The following PLXNB2 variants were observed in gnomAD, a reference collection of about 807,000 sequenced individuals.
PLXNB2 encodes the protein plexin-B2.
Under a neutral mutation model 202.6 loss-of-function variants are expected in PLXNB2, and 85 were observed. That is an observed-to-expected ratio of 0.42 (90% CI 0.35 to 0.50). The LOEUF is 0.50. Ranked by LOEUF, PLXNB2 falls within the 20% of genes least tolerant of loss-of-function variation. PLXNB2 has a pLI of 0.02. For synonymous variants in PLXNB2, 1,239 were observed against 1,137.6 expected (o/e 1.09, Z -1.79); for missense variants, 2,063 against 2,586.2 (o/e 0.80, Z 4.39).
In PLXNB2 at chr22:50,291,307, G is replaced by A. The variant is rs778304548; in HGVS notation, c.-13-710C>T. 1.3e-5 allele frequency among the ~76,000 whole-genome samples: 2 copies of A among 152,198 alleles called. No individual in the cohort carries two copies. Among genetic ancestry groups the A allele is most frequent in the Non-Finnish European group, 2.9e-5 (2 of 68,024 alleles). On this transcript the variant is annotated intron_variant, in intron 2 of 36. Transcript: ENST00000359337. The surrounding 1 kb of genome is among the most constrained non-coding windows in gnomAD (Gnocchi z 4.3). ...AGCCTCTGATGTGCGCACAGCGGAG[G>A]CAACAAGGGGACCTGGGGAGCCATG...
chr22:50,290,811 C>G (rs1306476982), intron 2 of PLXNB2, among the ~76,000 whole-genome samples: 2 of 152,216 alleles, frequency 1.3e-5, no homozygotes, highest in Admixed American at 6.5e-5. Context: ...CAAGTCCACC[C>G]TGACTGACCA....
Position 50,288,075 on chromosome 22 carries a change from G to C in PLXNB2, c.1381-38C>G. On this transcript the variant is annotated intron_variant, in intron 5 of 36. Transcript: ENST00000359337. The surrounding 1 kb of genome is among the most constrained non-coding windows in gnomAD (Gnocchi z 5.0). Reference sequence around the variant, plus strand: ...GGCCGTGAGTGGGACCACAGCAGAGGCCGCACGGGCCTTCCGCAGACCCCA... The same window carrying C: ...GGCCGTGAGTGGGACCACAGCAGAGCCCGCACGGGCCTTCCGCAGACCCCA... The C allele has an allele frequency of 6.8e-7, 1 of 1,466,504 alleles. No homozygotes were observed. The highest frequency in any genetic ancestry group is 9.3e-7 in the Non-Finnish European group (1 of 1,073,616). 90.8% of individuals were successfully genotyped at this position (1,466,504 alleles called of 1,614,324 possible).
At position 50,289,467 on chromosome 22, in the gene PLXNB2, G is replaced by A. The variant is rs757695421; in HGVS notation, c.1068+50C>T. The A allele has an allele frequency of 3.3e-6, 5 of 1,521,226 alleles. No homozygotes were observed. In the East Asian group the frequency reaches 9.8e-5, roughly 30 times the overall value. The allele number at this position is 1,521,226 out of a possible 1,614,324, so 94.2% of individuals were successfully genotyped here. ...AGCAGGCTGGGACACGCAAACCCACGAACGGACGCCTGCAGTCCGGGCCCT... is the reference window on the plus strand; with the variant it reads ...AGCAGGCTGGGACACGCAAACCCACAAACGGACGCCTGCAGTCCGGGCCCT... On this transcript the variant is annotated intron_variant, in intron 3 of 36. Coordinates refer to ENST00000359337, the MANE Select transcript of PLXNB2 (RefSeq NM_012401.4). This position sits in a 1 kb window ranked among gnomAD's most constrained non-coding sequence, Gnocchi z 8.0.
chr22:50,278,294 G>T (rs1234672757), intron 30 of PLXNB2, 23 bp from the exon 31 acceptor site: 1 of 1,609,802 alleles, frequency 6.2e-7, no homozygotes, highest in East Asian at 2.2e-5. Context: ...GGCACTGAGG[G>T]ACCCCTACCC....
rs866362520 is a variant in PLXNB2 at position 50,284,757 on chromosome 22, G to T, written c.2089-92C>A. ...CTGCAGCCCCTCCTCTGTGCCTACAGTGTGGGAGCCCTCTCCTCACCCCAC... is the reference window on the plus strand; with the variant it reads ...CTGCAGCCCCTCCTCTGTGCCTACATTGTGGGAGCCCTCTCCTCACCCCAC... On this transcript the variant is annotated intron_variant, in intron 11 of 36. Coordinates refer to ENST00000359337, the MANE Select transcript of PLXNB2 (RefSeq NM_012401.4). This position sits in a 1 kb window ranked among gnomAD's most constrained non-coding sequence, Gnocchi z 8.0. 1.0e-5 allele frequency: 10 copies of T among 960,282 alleles called. No homozygotes were observed. The highest frequency in any genetic ancestry group is 4.2e-4 in the Middle Eastern group (2 of 4,754). The allele number at this position is 960,282 out of a possible 1,614,324, so 59.5% of individuals were successfully genotyped here. A position where few individuals can be genotyped will look rare whatever the true frequency, so the allele number is the denominator to read the frequency against.
rs147004594 is a variant in PLXNB2, at chr22:50,294,540, C to T, written c.-14+179G>A. 8.5e-5 allele frequency among the ~76,000 whole-genome samples: 13 copies of T among 152,302 alleles called. No homozygotes were observed. The East Asian group carries it at 2.3e-3, about 27-fold the overall frequency. On this transcript the variant is annotated intron_variant, in intron 2 of 36. Transcript: ENST00000359337. Reference sequence around the variant, plus strand: ...GGGAGCCTCACAGCGGCTCCATGGGCAGGGAAGCTCCCCACTTCCATCCAG... The same window carrying T: ...GGGAGCCTCACAGCGGCTCCATGGGTAGGGAAGCTCCCCACTTCCATCCAG...
At chr22:50,281,044 C>T (rs758108964) in intron 23 of PLXNB2, 45 bp downstream of exon 23, 31 of 1,602,546 alleles carry the variant, frequency 1.9e-5, no homozygotes, top group Non-Finnish European at 2.4e-5. Flanking sequence ...CACAGCATCC[C>T]CGCCCCAGGA....
At position 50,280,651 on chromosome 22, in the gene PLXNB2, T is replaced by C; in HGVS notation, c.4013A>G (p.Asn1338Ser). The change falls in exon 25 of 37, where the codon AAC becomes AGC. Residue 1338 changes from asparagine (N) to serine (S), a missense_variant. Asn to Ser is a conservative substitution (Grantham distance 46). Coordinates refer to ENST00000359337, the MANE Select transcript of PLXNB2 (RefSeq NM_012401.4). ...FLINFIHTLENQREFSARAKV... is the reference protein window; with the variant it reads ...FLINFIHTLESQREFSARAKV... ...GGCGCGGGCCGAGAACTCCCGCTGG[T>C]TCTCCAGGGTGTGGATGAACTGTAG... The C allele has an allele frequency of 1.2e-6, 2 of 1,612,354 alleles. No homozygotes were observed. The highest frequency in any genetic ancestry group is 1.7e-6 in the Non-Finnish European group (2 of 1,179,756).
chr22:50,292,267 G>A (rs1237378447), intron 2 of PLXNB2, among the ~76,000 whole-genome samples: 1 of 150,730 alleles, frequency 6.6e-6, no homozygotes, highest in Non-Finnish European at 1.5e-5. Flanking sequence ...GAACCTGGGA[G>A]GCGGAGGTTG....
In PLXNB2 at chr22:50,277,735, T is replaced by C. The variant is rs760911851; in HGVS notation, c.5052A>G (p.Leu1684=). Residue 1684 remains leucine (L), a synonymous_variant, in exon 33 of 37, where the codon TTA becomes TTG. Coordinates refer to ENST00000359337, the MANE Select transcript of PLXNB2 (RefSeq NM_012401.4). ...GGATGTTCACCCAGAACCGGAGCGG[T>C]AAGCTGAGGCAGAGCAGCAGGGAAT... is the stretch of plus-strand genomic sequence containing the variant. ...DTIHIWKTNS[L]PLRFWVNILK... 6.3e-7 allele frequency: 1 copy of C among 1,595,576 alleles called. No individual in the cohort carries two copies. The highest frequency in any genetic ancestry group is 8.6e-7 in the Non-Finnish European group (1 of 1,167,920).
intron 1 of PLXNB2, among the ~76,000 whole-genome samples, chr22:50,295,389 G>C (rs28625946): frequency 0.25 from 37,968 of 151,406 alleles, 4,897 homozygotes; most frequent in Non-Finnish European, 0.29. Context: ...GCTGTGTGAC[G>C]TTGGGCAAGT....
intron 35 of PLXNB2, 110 bp downstream of exon 35, chr22:50,276,517 CCT>C (rs1397609729): frequency 2.1e-6 from 2 of 941,372 alleles, no homozygotes; most frequent in East Asian, 2.4e-5. Context: ...CCCGCCCCAC[CCT>C]CTCTCCCCCT....
chr22:50,282,831 C>T lies in PLXNB2; in HGVS notation c.2867G>A (p.Arg956Gln), dbSNP rs375999957. ...LQCVTGPQAT[R>Q]GQMLLEVSYG... ...GGAGACCTCCAGAAGCATCTGGCCC[C>T]GTGTCGCCTGGGGGCCAGTGACACA... Residue 956 changes from arginine (R) to glutamine (Q), a missense_variant, in exon 18 of 37, where the codon CGG (arginine) becomes CAG (glutamine). Coordinates refer to ENST00000359337, the MANE Select transcript of PLXNB2 (RefSeq NM_012401.4). 37 of 1,612,984 alleles carry T rather than the reference C, an allele frequency of 2.3e-5. No individual in the cohort carries two copies. The highest frequency in any genetic ancestry group is 5.0e-5 in the Admixed American group (3 of 60,004).
In PLXNB2 at chr22:50,289,630, C is replaced by A; in HGVS notation, c.955G>T (p.Val319Leu). Residue 319 changes from valine (V) to leucine (L), a missense_variant, in exon 3 of 37, where the codon GTG becomes TTG. Physicochemically the swap from Val to Leu is conservative, Grantham distance 32. Around this residue, in one of 2 missense-constraint regions of PLXNB2, gnomAD observed 1,303 missense variants for 1,476.8 expected, o/e 0.88. Coordinates refer to ENST00000359337, the MANE Select transcript of PLXNB2 (RefSeq NM_012401.4). The surrounding 1 kb of genome is among the most constrained non-coding windows in gnomAD (Gnocchi z 8.0). The stretch of plus-strand genomic sequence containing the variant: ...CGGTTGGCCTCCATCTTGGCGTGCA[C>A]CTTGTCCAGCGGGAACAGGCAGAGG... ...AGLCLFPLDK[V>L]HAKMEANRNA... The A allele has an allele frequency of 6.2e-7, 1 of 1,610,050 alleles. No homozygotes were observed.
At chr22:50,278,313 GGGCC>G (rs1301709383) in intron 30 of PLXNB2, 42 bp from the exon 31 acceptor site, 1 of 1,602,378 alleles carries the variant, frequency 6.2e-7, no homozygotes, top group East Asian at 2.2e-5. Flanking sequence ...CCAGGTCTGG[GGGCC>G]TGGGTCCCAC....
Position 50,288,712 on chromosome 22 carries a change from A to C in PLXNB2, c.1380+31T>G. On this transcript the variant is annotated intron_variant, in intron 5 of 36. Coordinates refer to ENST00000359337, the MANE Select transcript of PLXNB2 (RefSeq NM_012401.4). This position sits in a 1 kb window ranked among gnomAD's most constrained non-coding sequence, Gnocchi z 5.0. The stretch of plus-strand genomic sequence containing the variant: ...TGCAATGACCGGGCACACTTGGCCT[A>C]GAGTGCTCTCCGGGGCTGCGTCTGG... 1 of 1,611,074 alleles carries C rather than the reference A, an allele frequency of 6.2e-7. No individual in the cohort carries two copies. The highest frequency in any genetic ancestry group is 8.5e-7 in the Non-Finnish European group (1 of 1,179,184).
rs573754705 is a variant in PLXNB2, at chr22:50,289,061, C to A, written c.1150G>T (p.Val384Leu). ...AGGTTCAGGCCTCCACGCTGCAGCA[C>A]GGCTGTGCCTCTGAGCCCGTCGCGG... ...GSRDGLRGTA[V>L]LQRGGLNLTA... The change falls in exon 4 of 37, where the codon GTG (valine) becomes TTG (leucine). Residue 384 changes from valine to leucine, a missense_variant. Physicochemically the swap from Val to Leu is conservative, Grantham distance 32 (BLOSUM62 1). Coordinates refer to ENST00000359337, the MANE Select transcript of PLXNB2 (RefSeq NM_012401.4). The surrounding 1 kb of genome is among the most constrained non-coding windows in gnomAD (Gnocchi z 8.0). The A allele has an allele frequency of 5.4e-5, 87 of 1,606,470 alleles. No individual in the cohort carries two copies. Among genetic ancestry groups the A allele is most frequent in the Non-Finnish European group, 7.1e-5 (83 of 1,176,496 alleles).
chr22:50,303,953 G>A (rs1032594863), intron 1 of PLXNB2, among the ~76,000 whole-genome samples: 5 of 152,314 alleles, frequency 3.3e-5, no homozygotes, highest in Middle Eastern at 3.4e-3. Flanking sequence ...GCCCCCAGGC[G>A]CCCTGATCCC....
intron 1 of PLXNB2, among the ~76,000 whole-genome samples, chr22:50,301,034 G>A (rs955932965): frequency 9.2e-5 from 14 of 152,246 alleles, no homozygotes; most frequent in South Asian, 4.1e-4. Flanking sequence ...TATATGGTGC[G>A]TCCCTAGACT....
Sources: gnomAD v4.1 joint callset for allele counts (sites outside exome capture counted in the v4.1 genomes callset) on GRCh38, gnomAD v4.1.1 for gene constraint, gnomAD v4.1.1 regional missense constraint, Gnocchi (gnomAD v3.1) non-coding constraint, MANE v1.5 for transcripts, NCBI Gene and HGNC (gene_info 2026-07-23, HGNC 2026-07-21) for gene names.